The following ABL1 variants were observed in gnomAD, a reference collection of about 807,000 sequenced individuals.
ABL1 encodes the protein ABL proto-oncogene 1, non-receptor tyrosine kinase, also known as tyrosine-protein kinase ABL1.
Under a neutral mutation model 94.7 loss-of-function variants are expected in ABL1, and 11 were observed. The observed-to-expected ratio is 0.12, with a 90% confidence interval of 0.07 to 0.19. ABL1 has a LOEUF of 0.19. Among genes scored for constraint, ABL1 ranks in the 10% least tolerant of loss-of-function variants. The pLI is 1.00. For synonymous variants in ABL1, 656 were observed against 622.4 expected, an observed-to-expected ratio of 1.05 and a Z score of -0.80; for missense variants, 1,082 against 1,489.4, an observed-to-expected ratio of 0.73 and a Z score of 4.50.
chr9:130,876,729 G>GTTT (rs1169956131), intron 7 of ABL1, among the ~76,000 whole-genome samples: 2 of 115,358 alleles, frequency 1.7e-5, no homozygotes, highest in Non-Finnish European at 1.8e-5. Context: ...CCACAAGTTG[G>GTTT]TTTCTTTTTT....
chr9:130,721,424 T>G (rs1831512476), intron 1 of ABL1, among the ~76,000 whole-genome samples: 1 of 150,122 alleles, frequency 6.7e-6, no homozygotes. Flanking sequence ...AAAATTATAC[T>G]AAGGCCAGGT....
At chr9:130,759,460 A>G (rs892753288) in intron 1 of ABL1, among the ~76,000 whole-genome samples, 4 of 152,242 alleles carry the variant, frequency 2.6e-5, no homozygotes, top group East Asian at 1.9e-4. Context: ...TTGACCTTGA[A>G]TAAGAAAATT....
At chr9:130,817,815 T>C (rs1830308091) in intron 1 of ABL1, among the ~76,000 whole-genome samples, 1 of 152,218 alleles carries the variant, frequency 6.6e-6, no homozygotes, top group African/African-American at 2.4e-5. Context: ...ATTGTATGGA[T>C]GTACCCGTGT....
intron 1 of ABL1, among the ~76,000 whole-genome samples, chr9:130,818,315 T>C (rs944969002): frequency 6.6e-6 from 1 of 152,020 alleles, no homozygotes; most frequent in African/African-American, 2.4e-5. Context: ...ACTAAAAATA[T>C]AAAAATTAGC....
chr9:130,737,258 A>T lies in ABL1; in HGVS notation c.136+22803A>T, dbSNP rs564982803. On this transcript the variant is annotated intron_variant, in intron 1 of 10. Coordinates refer to the ABL1 transcript ENST00000372348. ...GTTTTCAGTTTTAAAATTTAAAAAA[A>T]AATTTATTTTATTTATGTATTTATT... is the stretch of plus-strand genomic sequence containing the variant. Among the ~76,000 whole-genome samples the T allele has an allele frequency of 3.0e-3, 461 of 152,192 alleles. 6 individuals carry two copies. The highest frequency in any genetic ancestry group is 0.011 in the African/African-American group (444 of 41,550).
In ABL1 at chr9:130,876,353, G is replaced by A. The variant is rs141409922; in HGVS notation, c.1270+1301G>A. Among the ~76,000 whole-genome samples the A allele has an allele frequency of 2.4e-3, 371 of 151,752 alleles. 4 individuals are homozygous for A. Among genetic ancestry groups the A allele is most frequent in the Admixed American group, 0.017 (257 of 15,254 alleles). ...GTACAGTTCATGTAGGAAGAGCAGG[G>A]TCAATTCTTGCTTCTTTGTTTTTAT... is the stretch of plus-strand genomic sequence containing the variant. On this transcript the variant is annotated intron_variant, in intron 7 of 10. Transcript: ENST00000318560.
chr9:130,755,321 C>T (rs1007975906), intron 1 of ABL1, among the ~76,000 whole-genome samples: 1 of 152,056 alleles, frequency 6.6e-6, no homozygotes, highest in African/African-American at 2.4e-5. Context: ...AAAAATGATT[C>T]CATGACTGTG....
rs1202736830 is a variant in ABL1, at chr9:130,864,238, G to A, written c.822+1203G>A. ...CCTTAAGGACCCTGGATATTTCTCA[G>A]ATAGGACTTTTTCTTTTCTTTTTTT... On this transcript the variant is annotated intron_variant, in intron 4 of 10. Transcript: ENST00000318560. Among the ~76,000 whole-genome samples the A allele has an allele frequency of 2.0e-5, 3 of 152,092 alleles. No individual in the cohort carries two copies. In the East Asian group the frequency reaches 5.8e-4, roughly 29 times the overall value.
intron 1 of ABL1, among the ~76,000 whole-genome samples, chr9:130,839,997 G>A (rs929201768): frequency 2.0e-5 from 3 of 152,194 alleles, no homozygotes; most frequent in African/African-American, 7.2e-5. Flanking sequence ...AATAAGGCCT[G>A]TAGTAATCCC....
chr9:130,740,409 G>C (rs1469816138), intron 1 of ABL1, among the ~76,000 whole-genome samples: 1 of 152,176 alleles, frequency 6.6e-6, no homozygotes, highest in Non-Finnish European at 1.5e-5. Flanking sequence ...GTTCTCATGG[G>C]CAAAGATTCC....
At chr9:130,735,934 C>CATATATATATATAT (rs71389344) in intron 1 of ABL1, among the ~76,000 whole-genome samples, 1 of 80,220 alleles carries the variant, frequency 1.2e-5, no homozygotes, top group African/African-American at 5.5e-5. Context: ...CATGTGTGTG[C>CATATATATATATAT]ATATATATAT....
At chr9:130,854,421 G>T (rs1467210549) in intron 2 of ABL1, among the ~76,000 whole-genome samples, 184 bp downstream of exon 2, 1 of 152,112 alleles carries the variant, frequency 6.6e-6, no homozygotes, top group Non-Finnish European at 1.5e-5. Context: ...TTGTACAATA[G>T]CCCTGGGCAA....
chr9:130,734,306 T>G (rs577702244), intron 1 of ABL1, among the ~76,000 whole-genome samples: 1 of 144,702 alleles, frequency 6.9e-6, no homozygotes, highest in Non-Finnish European at 1.5e-5. Context: ...CTCTGTCTCC[T>G]GGGTTCATGC....
At chr9:130,787,423 C>T (rs1290049908) in intron 1 of ABL1, among the ~76,000 whole-genome samples, 2 of 152,066 alleles carry the variant, frequency 1.3e-5, no homozygotes, top group Non-Finnish European at 2.9e-5. Flanking sequence ...CAACCCCACC[C>T]GAAGCTGACT....
intron 1 of ABL1, among the ~76,000 whole-genome samples, chr9:130,716,021 T>TACAC (rs1245841286): frequency 1.4e-5 from 2 of 141,090 alleles, no homozygotes; most frequent in African/African-American, 5.1e-5. Context: ...ACTAAATATA[T>TACAC]ATATACACAC....
In ABL1 at chr9:130,812,755, G is replaced by A. The variant is rs539641120; in HGVS notation, c.137-41309G>A. Among the ~76,000 whole-genome samples the A allele has an allele frequency of 2.6e-5, 4 of 152,272 alleles. No homozygotes were observed. The East Asian group carries it at 7.7e-4, about 29-fold the overall frequency. Reference sequence around the variant, plus strand: ...TCTCTCACAAAAACTGATAGAACAAGTAGACAAAAATCAGTGAGGATATAG... The same window carrying A: ...TCTCTCACAAAAACTGATAGAACAAATAGACAAAAATCAGTGAGGATATAG... On this transcript the variant is annotated intron_variant, in intron 1 of 10. Coordinates refer to the ABL1 transcript ENST00000372348.
chr9:130,820,589 G>T (rs1298589171), intron 1 of ABL1, among the ~76,000 whole-genome samples: 1 of 152,162 alleles, frequency 6.6e-6, no homozygotes, highest in African/African-American at 2.4e-5. Flanking sequence ...CGTCAGAGTT[G>T]GGTGGAATCA....
Position 130,885,143 on chromosome 9 carries a change from G to C in ABL1, c.2853G>C (p.Pro951=). ...VNSDAAKPSQ[P]GEGLKKPVLP... ...GTGACGCTGCCAAGCCCAGCCAGCC[G>C]GGAGAGGGCCTCAAAAAGCCCGTGC... Residue 951 remains proline, a synonymous_variant, in exon 11 of 11, where the codon CCG becomes CCC. Transcript: ENST00000318560. 6.2e-7 allele frequency: 1 copy of C among 1,612,978 alleles called. No homozygotes were observed. Among genetic ancestry groups the C allele is most frequent in the African/African-American group, 1.3e-5 (1 of 75,038 alleles).
chr9:130,842,855 G>A (rs13295907), intron 1 of ABL1, among the ~76,000 whole-genome samples: 1 of 152,110 alleles, frequency 6.6e-6, no homozygotes, highest in Non-Finnish European at 1.5e-5. Context: ...CCTGGAACCT[G>A]TTGGGAAGGT....
Sources: gnomAD v4.1 joint callset for allele counts (sites outside exome capture counted in the v4.1 genomes callset) on GRCh38, gnomAD v4.1.1 for gene constraint, MANE v1.5 for transcripts, NCBI Gene and HGNC (gene_info 2026-07-23, HGNC 2026-07-21) for gene names.